The following PANK1 variants were observed in gnomAD, a reference collection of about 807,000 sequenced individuals.
The protein encoded by PANK1 is pantothenic acid kinase 1.
A neutral mutation model predicts 40.1 loss-of-function variants in PANK1; 18 were observed. The ratio of observed to expected loss-of-function variants is 0.45; its 90% CI spans 0.31 to 0.67. The LOEUF (loss-of-function observed/expected upper bound fraction) is 0.67. PANK1 is among the 30% of genes least tolerant of loss of function. PANK1 has a pLI of 0.06. For synonymous variants in PANK1, 242 were observed against 237.7 expected (o/e 1.02, Z -0.17); for missense variants, 457 against 599.6 (o/e 0.76, Z 2.48).
chr10:89,592,644 G>C (rs559829967), intron 5 of PANK1: 1 of 487,266 alleles, frequency 2.1e-6, no homozygotes, highest in Non-Finnish European at 4.2e-6. Context: ...TTTTCCAAAC[G>C]AATCTTGCAA....
chr10:89,644,987 G>C lies in PANK1; in HGVS notation c.-96C>G. 1 of 1,576,648 alleles carries C rather than the reference G, an allele frequency of 6.3e-7. No homozygotes were observed. Among genetic ancestry groups the C allele is most frequent in the Non-Finnish European group, 8.6e-7 (1 of 1,164,574 alleles). On this transcript the variant is annotated 5_prime_UTR_variant, in exon 1 of 7. Transcript: ENST00000307534. ...TTTATTTCCCCGGATCCTCCCTGCG[G>C]CTTCCGATTCAGCAGCCGCAGAGCC...
intron 2 of PANK1, among the ~76,000 whole-genome samples, chr10:89,606,595 C>G (rs569818428): frequency 8.9e-5 from 13 of 145,976 alleles, no homozygotes; most frequent in African/African-American, 3.2e-4. Flanking sequence ...ACAATCATAG[C>G]TCACTGCAAC....
At chr10:89,619,195 C>T (rs750995814) in intron 1 of PANK1, among the ~76,000 whole-genome samples, 1 of 152,206 alleles carries the variant, frequency 6.6e-6, no homozygotes, top group Non-Finnish European at 1.5e-5. Flanking sequence ...AATAAATCTG[C>T]ATTTCAAATA....
At chr10:89,625,417 C>T (rs187241481) in intron 1 of PANK1, among the ~76,000 whole-genome samples, 1 of 152,276 alleles carries the variant, frequency 6.6e-6, no homozygotes, top group Non-Finnish European at 1.5e-5. Context: ...TTAAATGCAG[C>T]TTTTGAAGTA....
chr10:89,636,337 ATTATTTT>A (rs1478714446), intron 1 of PANK1, among the ~76,000 whole-genome samples: 1 of 150,734 alleles, frequency 6.6e-6, no homozygotes, highest in African/African-American at 2.4e-5. Flanking sequence ...TATTATTATT[ATTATTTT>A]TAATTTTTAT....
rs35455215 is a variant in PANK1 at position 89,614,798 on chromosome 10, C to CAA, written c.293-2752_293-2751dup. Among the ~76,000 whole-genome samples, 31 of 145,612 alleles carry CAA rather than the reference C, an allele frequency of 2.1e-4. 1 individual carries two copies. The East Asian group carries it at 3.0e-3, about 14-fold the overall frequency. ...GGTGACAGAGTGAGACCCCCTATCT[C>CAA]AAAAAAAAAAGAGTGAAATGTATTC... On this transcript the variant is annotated intron_variant, in intron 1 of 6. Coordinates refer to ENST00000307534, the MANE Select transcript of PANK1 (RefSeq NM_148977.3).
chr10:89,641,778 A>AAAAT (rs1564641153), intron 1 of PANK1, among the ~76,000 whole-genome samples: 1 of 150,622 alleles, frequency 6.6e-6, no homozygotes, highest in East Asian at 1.9e-4. Context: ...TAAATAAAAT[A>AAAAT]AAAAAAAATC....
At position 89,644,769 on chromosome 10, in the gene PANK1, CTGGACTGGCGGCGGA is replaced by C. The variant is rs776116411; in HGVS notation, c.108_122del (p.His36_Val40del). Reference sequence around the variant, plus strand: ...GACCCCGGCTGCAGACGTGCGGCGGCTGGACTGGCGGCGGATGGAAGCCGTTGTGCAGCAGCCCGT... The same window carrying C: ...GACCCCGGCTGCAGACGTGCGGCGGCTGGAAGCCGTTGTGCAGCAGCCCGT... On this transcript the variant is annotated inframe_deletion, in exon 1 of 7. Coordinates refer to ENST00000307534, the MANE Select transcript of PANK1 (RefSeq NM_148977.3). 78 of 1,504,666 alleles carry C rather than the reference CTGGACTGGCGGCGGA, an allele frequency of 5.2e-5. No individual in the cohort carries two copies. The African/African-American group carries it at 8.1e-4, about 16-fold the overall frequency. 93.2% of individuals were successfully genotyped at this position (1,504,666 alleles called of 1,614,324 possible). A position where few individuals can be genotyped will look rare whatever the true frequency, so the allele number is the denominator to read the frequency against.
intron 3 of PANK1, 76 bp downstream of exon 3, chr10:89,599,176 A>G (rs1196620005): frequency 7.4e-7 from 1 of 1,353,266 alleles, no homozygotes; most frequent in Non-Finnish European, 1.0e-6. Context: ...AATGTATTCA[A>G]TATAAATAAC....
At chr10:89,631,956 T>TTGTGTG (rs71471132) in intron 1 of PANK1, among the ~76,000 whole-genome samples, 1 of 135,420 alleles carries the variant, frequency 7.4e-6, no homozygotes, top group African/African-American at 2.6e-5. Context: ...AAATAACAGA[T>TTGTGTG]TGTGTGTGTG....
At chr10:89,588,161 T>C (rs763669492) in intron 6 of PANK1, among the ~76,000 whole-genome samples, 1 of 152,162 alleles carries the variant, frequency 6.6e-6, no homozygotes, top group Admixed American at 6.5e-5. Context: ...TTTTAAGTGC[T>C]GAATAGTATT....
At chr10:89,593,770 C>T in intron 4 of PANK1, 43 bp downstream of exon 4, 6 of 1,466,664 alleles carry the variant, frequency 4.1e-6, no homozygotes, top group Non-Finnish European at 4.8e-6. Flanking sequence ...GGAGAGGCTG[C>T]CTTGTGTTTA....
rs776222171 is a variant in PANK1 at position 89,644,559 on chromosome 10, C to T, written c.292+41G>A. ...TCCCAGTCCCGGGCCCCGCACGCTG[C>T]GTCTGCCTTGCGCCCGCGCTCCCCT... is the stretch of plus-strand genomic sequence containing the variant. On this transcript the variant is annotated intron_variant, in intron 1 of 6. Coordinates refer to ENST00000307534, the MANE Select transcript of PANK1 (RefSeq NM_148977.3). 5.2e-6 allele frequency: 8 copies of T among 1,544,646 alleles called. No homozygotes were observed. The East Asian group carries it at 7.3e-5, about 14-fold the overall frequency.
At chr10:89,591,306 G>A (rs535853738) in intron 5 of PANK1, among the ~76,000 whole-genome samples, 19 of 152,118 alleles carry the variant, frequency 1.2e-4, no homozygotes, top group Non-Finnish European at 2.1e-4. Context: ...GACAGAAGTG[G>A]AAATGGTGAC....
intron 2 of PANK1, among the ~76,000 whole-genome samples, chr10:89,608,697 T>C (rs756866388): frequency 2.0e-5 from 3 of 152,244 alleles, no homozygotes; most frequent in Non-Finnish European, 4.4e-5. Context: ...AAAGTTGTGT[T>C]ATACCAAAAA....
chr10:89,623,103 T>A (rs1297257229), intron 1 of PANK1, among the ~76,000 whole-genome samples: 2 of 152,220 alleles, frequency 1.3e-5, no homozygotes, highest in Non-Finnish European at 2.9e-5. Context: ...AATGGCTATT[T>A]GGACACACAC....
rs537839330 is a variant in PANK1 at position 89,644,121 on chromosome 10, A to G, written c.292+479T>C. Among the ~76,000 whole-genome samples, 16 of 152,298 alleles carry G rather than the reference A, an allele frequency of 1.1e-4. No homozygotes were observed. In the South Asian group the frequency reaches 3.1e-3, roughly 30 times the overall value. ...CGCCTCCAGACTTGCGCTCTCCAAT[A>G]GACCCGAGACGCTGCTGGCTACTCT... On this transcript the variant is annotated intron_variant, in intron 1 of 6. Coordinates refer to ENST00000307534, the MANE Select transcript of PANK1 (RefSeq NM_148977.3).
chr10:89,621,685 A>C (rs1010062336), intron 1 of PANK1, among the ~76,000 whole-genome samples: 3 of 151,970 alleles, frequency 2.0e-5, no homozygotes, highest in Non-Finnish European at 4.4e-5. Context: ...TTGTGTGGGC[A>C]AGTTTCTTAC....
At position 89,609,357 on chromosome 10, in the gene PANK1, G is replaced by T. The variant is rs117902074; in HGVS notation, c.645+2339C>A. On this transcript the variant is annotated intron_variant, in intron 2 of 6. Coordinates refer to ENST00000307534, the MANE Select transcript of PANK1 (RefSeq NM_148977.3). Reference sequence around the variant, plus strand: ...GGGATTACAGGTGTGAGCCACTTTCGCCTGACTCTATATTCACTTTTTAAA... The same window carrying T: ...GGGATTACAGGTGTGAGCCACTTTCTCCTGACTCTATATTCACTTTTTAAA... Among the ~76,000 whole-genome samples the T allele has an allele frequency of 8.5e-5, 13 of 152,210 alleles. No homozygotes were observed. In the East Asian group the frequency reaches 2.1e-3, roughly 25 times the overall value.
Sources: allele counts gnomAD v4.1 joint callset (sites outside exome capture counted in the v4.1 genomes callset), GRCh38; gene constraint gnomAD v4.1.1; transcripts MANE v1.5; gene names NCBI Gene and HGNC (gene_info 2026-07-23, HGNC 2026-07-21).